MYLK4: variants seen among roughly 807,000 people sequenced by gnomAD.
MYLK4 encodes myosin light chain kinase family member 4, also known as caMLCK like.
MYLK4 carries 46 observed loss-of-function variants against 48.1 expected under a neutral mutation model. The ratio of observed to expected loss-of-function variants is 0.96; its 90% CI spans 0.75 to 1.22. MYLK4 has a LOEUF of 1.22. MYLK4 is among the 50% of genes most tolerant of loss of function. MYLK4 has a pLI of 0.00. For missense variants in MYLK4, 451 were observed against 486.1 expected (o/e 0.93, Z 0.68); for synonymous variants, 170 against 180.8 (o/e 0.94, Z 0.48).
chr6:2,762,367 A>G, the MYLK4 span, among the ~76,000 whole-genome samples: 192 of 152,354 alleles, frequency 1.3e-3, no homozygotes, highest in African/African-American at 4.4e-3. Flanking sequence ...AATACTAACA[A>G]TGATTACAAG....
the MYLK4 span, among the ~76,000 whole-genome samples, chr6:2,762,604 G>A: frequency 6.6e-6 from 1 of 152,284 alleles, no homozygotes; most frequent in East Asian, 1.9e-4. Context: ...AACTTGTTTT[G>A]CAAGTATTCA....
At position 2,672,820 on chromosome 6, in the gene MYLK4, C is replaced by T. The variant is rs1760954177; in HGVS notation, c.1120-1472G>A. Among the ~76,000 whole-genome samples, 1 of 152,164 alleles carries T rather than the reference C, an allele frequency of 6.6e-6. No individual in the cohort carries two copies. The highest frequency in any genetic ancestry group is 1.5e-5 in the Non-Finnish European group (1 of 68,052). ...AGGAGAGCAGAGCAGTGAGGCTCTG[C>T]CCGGACTCCAGAGCTCAGCCCTGTC... On this transcript the variant is annotated intron_variant, in intron 11 of 12. Coordinates refer to ENST00000274643, the MANE Select transcript of MYLK4 (RefSeq NM_001012418.5). The surrounding 1 kb of genome is among the most constrained non-coding windows in gnomAD (Gnocchi z 4.3).
At chr6:2,703,319 T>G (rs1372416536) in intron 2 of MYLK4, among the ~76,000 whole-genome samples, 15 of 152,190 alleles carry the variant, frequency 9.9e-5, no homozygotes, top group Admixed American at 9.8e-4. Flanking sequence ...TAAGAAGTTT[T>G]TAAAAATATT....
chr6:2,763,766 C>T, the MYLK4 span, among the ~76,000 whole-genome samples: 8 of 152,114 alleles, frequency 5.3e-5, no homozygotes, highest in African/African-American at 1.4e-4. Context: ...GAGTGGACGC[C>T]AAGGCAGAGG....
chr6:2,747,328 A>G (rs1764132207), intron 2 of MYLK4, among the ~76,000 whole-genome samples: 2 of 152,090 alleles, frequency 1.3e-5, no homozygotes, highest in Non-Finnish European at 2.9e-5. Context: ...TTTATGTTCC[A>G]ACTTAGCACT....
Position 2,671,366 on chromosome 6 carries a change from C to T in MYLK4, c.1120-18G>A, listed in dbSNP as rs1561827585. The T allele has an allele frequency of 6.2e-7, 1 of 1,612,838 alleles. No individual in the cohort carries two copies. The highest frequency in any genetic ancestry group is 2.2e-5 in the East Asian group (1 of 44,870). On this transcript the variant is annotated intron_variant, in intron 11 of 12. Transcript: ENST00000274643. ...TTCTTCTTCTAGGGAAAGCAGAAGG[C>T]ATATGGGAAGGATTAGGACTGTTTC...
At chr6:2,691,347 A>G (rs2113166029) in intron 3 of MYLK4, among the ~76,000 whole-genome samples, 1 of 152,344 alleles carries the variant, frequency 6.6e-6, no homozygotes, top group African/African-American at 2.4e-5. Flanking sequence ...ACTAAGAATT[A>G]TGTTTTAAAT....
intron 2 of MYLK4, among the ~76,000 whole-genome samples, chr6:2,740,581 T>C (rs939231706): frequency 2.0e-5 from 3 of 152,264 alleles, no homozygotes; most frequent in African/African-American, 7.2e-5. Flanking sequence ...TGGGGCTTCT[T>C]TCCTTCCCTG....
intron 3 of MYLK4, among the ~76,000 whole-genome samples, chr6:2,690,893 G>C (rs113930345): frequency 1.4e-5 from 2 of 141,536 alleles, no homozygotes; most frequent in African/African-American, 2.7e-5. Context: ...GCAGTGGCGC[G>C]ATCTCGGCTC....
intron 4 of MYLK4, 37 bp downstream of exon 4, chr6:2,688,814 T>A: frequency 1.3e-6 from 2 of 1,545,740 alleles, no homozygotes; most frequent in South Asian, 2.2e-5. Context: ...CGCTCTCTTC[T>A]TTTGTTGAGA....
chr6:2,696,981 C>A (rs1250074804), intron 2 of MYLK4, among the ~76,000 whole-genome samples: 1 of 152,206 alleles, frequency 6.6e-6, no homozygotes, highest in South Asian at 2.1e-4. Context: ...ATTGCTTGAA[C>A]CCTGGAGGCG....
chr6:2,687,401 C>A (rs563894476), intron 4 of MYLK4, among the ~76,000 whole-genome samples: 3 of 152,078 alleles, frequency 2.0e-5, no homozygotes, highest in African/African-American at 7.2e-5. Flanking sequence ...GACTGCAGTA[C>A]CAAAGAGAAG....
At position 2,725,501 on chromosome 6, in the gene MYLK4, GAGAGAGAGAGAGAC is replaced by G. The variant is rs148087066; in HGVS notation, c.159+23621_159+23634del. Among the ~76,000 whole-genome samples, 467 of 149,412 alleles carry G rather than the reference GAGAGAGAGAGAGAC, an allele frequency of 3.1e-3. 7 individuals carry two copies. The highest frequency in any genetic ancestry group is 0.011 in the African/African-American group (434 of 39,850). The stretch of plus-strand genomic sequence containing the variant: ...AGAAAGAAAGGAAGAAAGAGAGGGG[GAGAGAGAGAGAGAC>G]AGAGAGAGAGAAAAAGAAACAAAGA... On this transcript the variant is annotated intron_variant, in intron 2 of 12. Coordinates refer to ENST00000274643, the MANE Select transcript of MYLK4 (RefSeq NM_001012418.5).
rs369334810 is a variant in MYLK4 at position 2,685,391 on chromosome 6, G to A, written c.450C>T (p.Asn150=). ...CCAGCTGGTTCATGACGCTGATCTC[G>A]TTCTTCACCTCCTCCTGAGAAGCAG... ...RGMKDKEEVK[N]EISVMNQLDH... is the part of the protein sequence containing the mutation. The change falls in exon 6 of 13, where the codon AAC becomes AAT. Residue 150 remains asparagine, a synonymous_variant. Transcript: ENST00000274643. The surrounding 1 kb of genome is among the most constrained non-coding windows in gnomAD (Gnocchi z 4.5). 9 of 1,460,872 alleles carry A rather than the reference G, an allele frequency of 6.2e-6. No individual in the cohort carries two copies. Among genetic ancestry groups the A allele is most frequent in the South Asian group, 1.1e-5 (1 of 89,070 alleles). The allele number at this position is 1,460,872 out of a possible 1,614,324, so 90.5% of individuals were successfully genotyped here. A position where few individuals can be genotyped will look rare whatever the true frequency, so the allele number is the denominator to read the frequency against.
At chr6:2,689,827 C>T (rs1484816744) in intron 3 of MYLK4, among the ~76,000 whole-genome samples, 2 of 152,232 alleles carry the variant, frequency 1.3e-5, no homozygotes, top group African/African-American at 4.8e-5. Context: ...ACATATGTTT[C>T]TTGAGCATTT....
chr6:2,714,415 A>AC (rs891541095), intron 2 of MYLK4, among the ~76,000 whole-genome samples: 2 of 152,300 alleles, frequency 1.3e-5, no homozygotes, highest in Non-Finnish European at 2.9e-5. Context: ...AGTTGCCAAT[A>AC]CCCCACACAT....
chr6:2,735,468 G>A (rs1209437114), intron 2 of MYLK4, among the ~76,000 whole-genome samples: 1 of 152,128 alleles, frequency 6.6e-6, no homozygotes, highest in Non-Finnish European at 1.5e-5. Flanking sequence ...TTAAATATTT[G>A]AAATAAGTAC....
chr6:2,692,447 C>T (rs1036013577), intron 3 of MYLK4, among the ~76,000 whole-genome samples: 2 of 148,940 alleles, frequency 1.3e-5, no homozygotes, highest in Non-Finnish European at 3.0e-5. Flanking sequence ...CACCATAGGA[C>T]ACAAAATATT....
At chr6:2,733,849 C>T (rs1763563086) in intron 2 of MYLK4, among the ~76,000 whole-genome samples, 1 of 152,148 alleles carries the variant, frequency 6.6e-6, no homozygotes, top group Admixed American at 6.5e-5. Context: ...CGCGGAGACG[C>T]TGCTTTGGTG....
Sources: gnomAD v4.1 joint callset for allele counts (sites outside exome capture counted in the v4.1 genomes callset) on GRCh38, gnomAD v4.1.1 for gene constraint, Gnocchi (gnomAD v3.1) non-coding constraint, MANE v1.5 for transcripts, NCBI Gene and HGNC (gene_info 2026-07-23, HGNC 2026-07-21) for gene names.